SLIT3: variants seen among roughly 807,000 people sequenced by gnomAD.
SLIT3 encodes slit homolog 3 protein.
SLIT3 carries 68 observed loss-of-function variants against 184.0 expected under a neutral mutation model. The observed-to-expected ratio is 0.37, with a 90% CI of 0.30 to 0.45. SLIT3 has a LOEUF of 0.45. SLIT3 is among the 20% of genes least tolerant of loss of function. The pLI is 1.00. For synonymous variants in SLIT3, 831 were observed against 828.6 expected (o/e 1.00, Z -0.05); for missense variants, 1,707 against 2,026.0 (o/e 0.84, Z 3.02).
chr5:169,006,578 T>TCTC (rs1554089476), intron 4 of SLIT3, among the ~76,000 whole-genome samples: 1 of 140,212 alleles, frequency 7.1e-6, no homozygotes, highest in Admixed American at 7.1e-5. Flanking sequence ...TTTCCCCCTC[T>TCTC]TCTCTCTCTC....
intron 4 of SLIT3, among the ~76,000 whole-genome samples, chr5:169,098,972 T>A (rs1418486583): frequency 6.6e-6 from 1 of 152,062 alleles, no homozygotes; most frequent in Non-Finnish European, 1.5e-5. Flanking sequence ...AGATCTCAGA[T>A]GCCTGCACCC....
rs1757328889 is a variant in SLIT3 at position 169,038,366 on chromosome 5, A to G, written c.414-155030T>C. 1.3e-5 allele frequency among the ~76,000 whole-genome samples: 2 copies of G among 152,260 alleles called. 1 individual carries two copies. The highest frequency in any genetic ancestry group is 4.1e-4 in the South Asian group (2 of 4,834). ...AACATATATACACATATTACAATGT[A>G]CACATATGGAATACATTCACACCAA... On this transcript the variant is annotated intron_variant, in intron 4 of 35. Coordinates refer to ENST00000519560, the MANE Select transcript of SLIT3 (RefSeq NM_003062.4).
chr5:169,095,195 T>G (rs145668521), intron 4 of SLIT3, among the ~76,000 whole-genome samples: 1 of 152,356 alleles, frequency 6.6e-6, no homozygotes, highest in Non-Finnish European at 1.5e-5. Context: ...CCATTTAGTT[T>G]CTTCTTATTC....
At chr5:169,154,874 A>T (rs1300036822) in intron 4 of SLIT3, among the ~76,000 whole-genome samples, 10 of 152,242 alleles carry the variant, frequency 6.6e-5, no homozygotes. Context: ...TTCTTCTTGA[A>T]TGTTATAAGC....
chr5:169,163,433 T>C (rs1466965497), intron 4 of SLIT3, among the ~76,000 whole-genome samples: 3 of 152,200 alleles, frequency 2.0e-5, no homozygotes, highest in Non-Finnish European at 4.4e-5. Flanking sequence ...GAAATCCAAG[T>C]TGCACTTAAG....
At chr5:168,772,018 T>C (rs943130353) in intron 14 of SLIT3, among the ~76,000 whole-genome samples, 5 of 152,114 alleles carry the variant, frequency 3.3e-5, no homozygotes, top group Non-Finnish European at 5.9e-5. Flanking sequence ...ACACAAATGA[T>C]AGTAATTTTT....
intron 4 of SLIT3, among the ~76,000 whole-genome samples, chr5:168,884,626 CTAT>C (rs1050846362): frequency 1.6e-5 from 2 of 124,132 alleles, no homozygotes; most frequent in Admixed American, 1.9e-4. Flanking sequence ...CTATTATAAC[CTAT>C]TATTTTTGCT....
At chr5:169,087,194 C>G (rs1435394447) in intron 4 of SLIT3, among the ~76,000 whole-genome samples, 1 of 152,186 alleles carries the variant, frequency 6.6e-6, no homozygotes, top group Non-Finnish European at 1.5e-5. Flanking sequence ...CTGCAAAGCA[C>G]TAACTGCTAG....
chr5:168,924,503 T>A (rs1420686944), intron 4 of SLIT3, among the ~76,000 whole-genome samples: 1 of 135,546 alleles, frequency 7.4e-6, no homozygotes, highest in Non-Finnish European at 1.5e-5. Context: ...GGTGTGTGTG[T>A]GTGTATGTGT....
intron 4 of SLIT3, among the ~76,000 whole-genome samples, chr5:169,010,382 G>A (rs1283306669): frequency 1.3e-5 from 2 of 152,142 alleles, no homozygotes; most frequent in African/African-American, 2.4e-5. Context: ...GAACTGAAGC[G>A]ATTTTGACCA....
At chr5:168,744,606 C>T (rs1763745647) in intron 20 of SLIT3, among the ~76,000 whole-genome samples, 1 of 152,150 alleles carries the variant, frequency 6.6e-6, no homozygotes, top group Admixed American at 6.6e-5. Context: ...ACTCATTTAC[C>T]GTTCTGAAAA....
chr5:168,673,425 T>A, intron 32 of SLIT3, 94 bp from the exon 33 acceptor site: 1 of 1,176,902 alleles, frequency 8.5e-7, no homozygotes, highest in South Asian at 1.6e-5. Flanking sequence ...ATTGCTTACA[T>A]TTTGTTTTAC....
chr5:168,772,694 C>G, intron 14 of SLIT3, 87 bp downstream of exon 14: 2 of 1,465,994 alleles, frequency 1.4e-6, no homozygotes, highest in African/African-American at 2.8e-5. Flanking sequence ...TTACAGTGCT[C>G]GCTGTCCTCC....
chr5:169,021,689 C>A (rs943381998), intron 4 of SLIT3, among the ~76,000 whole-genome samples: 1 of 152,100 alleles, frequency 6.6e-6, no homozygotes, highest in Non-Finnish European at 1.5e-5. Flanking sequence ...GTGTTGCTGC[C>A]CCTTCCAAGA....
chr5:169,041,809 A>G (rs777833897), intron 4 of SLIT3, among the ~76,000 whole-genome samples: 2 of 152,214 alleles, frequency 1.3e-5, no homozygotes, highest in African/African-American at 2.4e-5. Flanking sequence ...AAGGCTAACA[A>G]TGAAGTCAGT....
intron 9 of SLIT3, among the ~76,000 whole-genome samples, chr5:168,795,966 G>GC (rs1451768605): frequency 2.0e-5 from 3 of 152,230 alleles, no homozygotes; most frequent in Admixed American, 2.0e-4. Context: ...CCATGGGCCA[G>GC]CAATGCTTAT....
intron 12 of SLIT3, among the ~76,000 whole-genome samples, chr5:168,781,605 T>A (rs778531582): frequency 1.3e-5 from 2 of 152,012 alleles, no homozygotes; most frequent in Admixed American, 6.6e-5. Flanking sequence ...AGAGCAAACA[T>A]TAGTGGGCTG....
intron 2 of SLIT3, 135 bp downstream of exon 2, chr5:169,251,252 AG>A (rs1765763503): frequency 1.5e-6 from 1 of 687,704 alleles, no homozygotes; most frequent in African/African-American, 1.7e-5. Context: ...TACGCTAACG[AG>A]GGGCTTTCTG....
chr5:168,943,941 T>C (rs1245487722), intron 4 of SLIT3, among the ~76,000 whole-genome samples: 1 of 152,202 alleles, frequency 6.6e-6, no homozygotes, highest in Admixed American at 6.5e-5. Flanking sequence ...ACAAAACTCC[T>C]TGGCGAATCC....
Sources: gnomAD v4.1 joint callset for allele counts (sites outside exome capture counted in the v4.1 genomes callset) on GRCh38, gnomAD v4.1.1 for gene constraint, MANE v1.5 for transcripts, NCBI Gene and HGNC (gene_info 2026-07-23, HGNC 2026-07-21) for gene names.